MAK: variants seen among roughly 807,000 people sequenced by gnomAD.
MAK encodes the protein male germ cell associated kinase.
Under a neutral mutation model 82.6 loss-of-function variants are expected in MAK, and 65 were observed. The observed-to-expected ratio is 0.79, with a 90% CI of 0.64 to 0.97. The LOEUF (loss-of-function observed/expected upper bound fraction) is 0.97, where lower values mean the gene tolerates loss of function less well. MAK is among the 50% of genes least tolerant of loss of function. The pLI is 0.00. For synonymous variants in MAK, 250 were observed against 274.2 expected, an observed-to-expected ratio of 0.91 and a Z score of 0.87; for missense variants, 703 against 780.2, an observed-to-expected ratio of 0.90 and a Z score of 1.18.
At position 10,794,545 on chromosome 6, in the gene MAK, T is replaced by C. The variant is rs1225650153; in HGVS notation, c.1143+1453A>G. On this transcript the variant is annotated intron_variant, in intron 9 of 14. Transcript: ENST00000354489. ...GACTGGAAGGAAATAGATACAGTGCTGTATAAGACCGATTTCCATCCTAAA... is the reference window on the plus strand; with the variant it reads ...GACTGGAAGGAAATAGATACAGTGCCGTATAAGACCGATTTCCATCCTAAA... Among the ~76,000 whole-genome samples the C allele has an allele frequency of 2.0e-5, 3 of 152,204 alleles. No homozygotes were observed. The East Asian group carries it at 5.8e-4, about 29-fold the overall frequency.
At chr6:10,792,074 A>G (rs1775136988) in intron 9 of MAK, among the ~76,000 whole-genome samples, 1 of 152,200 alleles carries the variant, frequency 6.6e-6, no homozygotes, top group Non-Finnish European at 1.5e-5. Context: ...TAGGTTGGTG[A>G]GAGACTTGAA....
rs76804010 is a variant in MAK at position 10,827,986 on chromosome 6, G to T, written c.101+2562C>A. Among the ~76,000 whole-genome samples, 1,008 of 152,184 alleles carry T rather than the reference G, an allele frequency of 6.6e-3. 10 individuals carry two copies. Among genetic ancestry groups the T allele is most frequent in the African/African-American group, 0.023 (948 of 41,518 alleles). ...GTGAGCCACTGCATTCAGCCAAGAG[G>T]CTTTATCATAAGTTTTTTAAGAAAT... On this transcript the variant is annotated intron_variant, in intron 2 of 14. Transcript: ENST00000354489.
intron 13 of MAK, among the ~76,000 whole-genome samples, chr6:10,772,560 G>T (rs1773107919): frequency 1.3e-5 from 2 of 151,966 alleles, no homozygotes; most frequent in South Asian, 2.1e-4. Context: ...GGCCAGGATG[G>T]TCTCTATCTC....
chr6:10,790,152 A>G (rs1774947563), intron 10 of MAK, among the ~76,000 whole-genome samples: 1 of 152,176 alleles, frequency 6.6e-6, no homozygotes, highest in African/African-American at 2.4e-5. Flanking sequence ...TCTTGCCTAG[A>G]GTGGAAGAGG....
Position 10,776,523 on chromosome 6 carries a change from T to C in MAK, c.1466-1064A>G, listed in dbSNP as rs1382077972. On this transcript the variant is annotated intron_variant, in intron 11 of 14. Transcript: ENST00000354489. This position sits in a 1 kb window ranked among gnomAD's most constrained non-coding sequence, Gnocchi z 4.3. ...TTCACGGAGAGTTTTCTTTATCTAG[T>C]GTAGAAATCATCACTGAGGACTCCA... is the stretch of plus-strand genomic sequence containing the variant. Among the ~76,000 whole-genome samples the C allele has an allele frequency of 1.3e-5, 2 of 152,170 alleles. No individual in the cohort carries two copies. The highest frequency in any genetic ancestry group is 2.9e-5 in the Non-Finnish European group (2 of 68,036).
At chr6:10,812,439 A>G (rs1333051944) in intron 5 of MAK, among the ~76,000 whole-genome samples, 2 of 152,234 alleles carry the variant, frequency 1.3e-5, no homozygotes, top group Non-Finnish European at 2.9e-5. Context: ...ATTGAAGTAC[A>G]TAATTCATAG....
intron 8 of MAK, chr6:10,797,809 A>G (rs1044490502): frequency 2.4e-6 from 3 of 1,276,538 alleles, no homozygotes; most frequent in Non-Finnish European, 3.0e-6. Context: ...AATGGTCTTC[A>G]TATTCTACAA....
rs571476381 is a variant in MAK at position 10,793,923 on chromosome 6, C to G, written c.1143+2075G>C. On this transcript the variant is annotated intron_variant, in intron 9 of 14. Coordinates refer to ENST00000354489, the MANE Select transcript of MAK (RefSeq NM_001242957.3). This position sits in a 1 kb window ranked among gnomAD's most constrained non-coding sequence, Gnocchi z 4.6. ...CTGCTCTATATTCCCTGCCTGCTGT[C>G]TGCCTCTAGCTCTGGCAACCTCATT... Among the ~76,000 whole-genome samples, 95 of 152,172 alleles carry G rather than the reference C, an allele frequency of 6.2e-4. No homozygotes were observed. Among genetic ancestry groups the G allele is most frequent in the Non-Finnish European group, 1.1e-3 (74 of 68,038 alleles).
At chr6:10,804,282 G>GT (rs1776237422) in intron 6 of MAK, among the ~76,000 whole-genome samples, 1 of 152,002 alleles carries the variant, frequency 6.6e-6, no homozygotes, top group African/African-American at 2.4e-5. Flanking sequence ...TATATCCTGA[G>GT]TAGTGGAGTT....
At chr6:10,813,132 ATAAATTTTT>A (rs1777168147) in intron 5 of MAK, among the ~76,000 whole-genome samples, 2 of 758 alleles carry the variant, frequency 2.6e-3, no homozygotes, top group African/African-American at 3.7e-3. Context: ...ATATATATAT[ATAAATTTTT>A]TTTTTTTTTT....
intron 10 of MAK, among the ~76,000 whole-genome samples, chr6:10,789,223 A>G (rs1167255019): frequency 1.3e-5 from 2 of 151,988 alleles, no homozygotes; most frequent in East Asian, 3.9e-4. Context: ...CTCGTGCCCC[A>G]AAGTGAAGAC....
chr6:10,770,330 C>T (rs1474233275), intron 13 of MAK, 100 bp from the exon 14 acceptor site: 1 of 1,374,248 alleles, frequency 7.3e-7, no homozygotes, highest in Admixed American at 1.7e-5. Context: ...TACTATTTTT[C>T]AGCATCTACT....
chr6:10,782,577 A>ATTTTTT (rs70991043), intron 11 of MAK, among the ~76,000 whole-genome samples: 1 of 116,594 alleles, frequency 8.6e-6, no homozygotes, highest in Non-Finnish European at 1.8e-5. Context: ...TCCCAACTGG[A>ATTTTTT]TTTTTTTTTT....
intron 1 of MAK, among the ~76,000 whole-genome samples, chr6:10,832,701 G>A (rs1039768275): frequency 2.6e-5 from 4 of 152,106 alleles, no homozygotes; most frequent in East Asian, 1.9e-4. Flanking sequence ...GTTTCACCAC[G>A]TTGGACAGGC....
At chr6:10,811,278 C>T (rs533984325) in intron 5 of MAK, among the ~76,000 whole-genome samples, 21 of 152,318 alleles carry the variant, frequency 1.4e-4, no homozygotes, top group Middle Eastern at 6.8e-3. Flanking sequence ...GGATTGCAGG[C>T]GTGAGCCACC....
Position 10,827,318 on chromosome 6 carries a change from C to T in MAK, c.101+3230G>A, listed in dbSNP as rs561195237. ...TATCATGGATTTTGGGTGTATCTTT[C>T]CAGGCCTTTAAAAATATTTTTGTAT... On this transcript the variant is annotated intron_variant, in intron 2 of 14. Coordinates refer to ENST00000354489, the MANE Select transcript of MAK (RefSeq NM_001242957.3). Among the ~76,000 whole-genome samples, 74 of 152,162 alleles carry T rather than the reference C, an allele frequency of 4.9e-4. 1 individual carries two copies. The highest frequency in any genetic ancestry group is 1.6e-3 in the African/African-American group (68 of 41,522).
Position 10,770,132 on chromosome 6 carries a change from G to C in MAK, c.1771C>G (p.Pro591Ala), listed in dbSNP as rs1581638260. ...CTACCTGAAGCCGTTGCATTGAGAG[G>C]TGCTAAGTGGATCCTCTGGCCAGCT... The part of the protein sequence containing the change: ...QSAGQRIHLA[P>A]LNATASEYTW... The change falls in exon 14 of 15, where the codon CCT becomes GCT. Residue 591 changes from proline to alanine, a missense_variant. Pro to Ala is a conservative substitution (Grantham distance 27). Coordinates refer to ENST00000354489, the MANE Select transcript of MAK (RefSeq NM_001242957.3). 6.2e-7 allele frequency: 1 copy of C among 1,614,132 alleles called. No homozygotes were observed.
At chr6:10,806,334 T>TGTTTTTGTTTTTG (rs1561977786) in intron 6 of MAK, among the ~76,000 whole-genome samples, 2 of 148,322 alleles carry the variant, frequency 1.3e-5, no homozygotes, top group Non-Finnish European at 1.5e-5. Context: ...CCTGGCTAAT[T>TGTTTTTGTTTTTG]TTTTTTGTTT....
chr6:10,766,019 T>G (rs928547152), intron 14 of MAK, among the ~76,000 whole-genome samples: 8 of 152,240 alleles, frequency 5.3e-5, no homozygotes, highest in Admixed American at 4.6e-4. Context: ...TTTTGATGCC[T>G]TCTTCAGTCC....
Sources: allele counts gnomAD v4.1 joint callset (sites outside exome capture counted in the v4.1 genomes callset), GRCh38; gene constraint gnomAD v4.1.1; non-coding constraint Gnocchi (gnomAD v3.1); transcripts MANE v1.5; gene names NCBI Gene and HGNC (gene_info 2026-07-23, HGNC 2026-07-21).